CNKSR3: variants seen among roughly 807,000 people sequenced by gnomAD.
CNKSR3 encodes connector enhancer of kinase suppressor of ras 3.
A neutral mutation model predicts 67.7 loss-of-function variants in CNKSR3; 36 were observed. The ratio of observed to expected loss-of-function variants is 0.53; its 90% CI spans 0.41 to 0.70. CNKSR3 has a LOEUF of 0.70. Ranked by LOEUF, CNKSR3 falls within the 30% of genes least tolerant of loss-of-function variation. CNKSR3 has a pLI of 0.00. For synonymous variants in CNKSR3, 281 were observed against 271.4 expected, an observed-to-expected ratio of 1.04 and a Z score of -0.35; for missense variants, 630 against 695.2, an observed-to-expected ratio of 0.91 and a Z score of 1.05.
chr6:154,456,539 A>G (rs1785959923), intron 1 of CNKSR3, among the ~76,000 whole-genome samples: 1 of 149,162 alleles, frequency 6.7e-6, no homozygotes, highest in South Asian at 2.2e-4. Flanking sequence ...CTCTACTAAA[A>G]ATACAAAAAA....
chr6:154,456,707 CAAAAAAA>C (rs10536163), intron 1 of CNKSR3, among the ~76,000 whole-genome samples: 17 of 45,392 alleles, frequency 3.7e-4, no homozygotes, highest in East Asian at 8.8e-4. Flanking sequence ...AACTCTGTCT[CAAAAAAA>C]AAAAAAAAAA....
chr6:154,435,109 C>T (rs1156442565), intron 4 of CNKSR3, among the ~76,000 whole-genome samples: 3 of 151,872 alleles, frequency 2.0e-5, no homozygotes, highest in African/African-American at 7.3e-5. Context: ...GATCCTCCCG[C>T]CTCAGCCTCC....
intron 10 of CNKSR3, among the ~76,000 whole-genome samples, chr6:154,413,721 G>A (rs1351341291): frequency 2.0e-5 from 3 of 151,960 alleles, no homozygotes; most frequent in Admixed American, 6.6e-5. Context: ...GTTTTCATTC[G>A]TTTTTCAAAA....
intron 9 of CNKSR3, 115 bp downstream of exon 9, chr6:154,422,391 T>C (rs7771159): frequency 0.35 from 337,649 of 966,988 alleles, 62,680 homozygotes; most frequent in Non-Finnish European, 0.39. Context: ...ATAGGATAAT[T>C]ACATACAAAC....
chr6:154,415,709 G>A (rs68121193), intron 9 of CNKSR3, among the ~76,000 whole-genome samples: 10,377 of 152,132 alleles, frequency 0.068, 459 homozygotes, highest in African/African-American at 0.13. Context: ...ACCTTATACC[G>A]TTTATTTTAG....
chr6:154,477,145 C>T (rs949025277), intron 1 of CNKSR3, among the ~76,000 whole-genome samples: 9 of 152,174 alleles, frequency 5.9e-5, no homozygotes, highest in Admixed American at 2.0e-4. Context: ...AAAGAACCAA[C>T]TTTATTTCAA....
chr6:154,509,945 C>G, intron 1 of CNKSR3, 118 bp downstream of exon 1: 2 of 1,092,226 alleles, frequency 1.8e-6, no homozygotes, highest in South Asian at 1.3e-5. Context: ...GCATTGTCAC[C>G]GGGCTGTGCC....
intron 5 of CNKSR3, among the ~76,000 whole-genome samples, chr6:154,431,429 C>T (rs574795209): frequency 1.7e-4 from 20 of 118,674 alleles, no homozygotes; most frequent in African/African-American, 5.3e-4. Flanking sequence ...GGTAACAGAG[C>T]GAGACTCTGT....
intron 7 of CNKSR3, among the ~76,000 whole-genome samples, chr6:154,426,027 A>G (rs996533275): frequency 3.3e-5 from 5 of 152,220 alleles, no homozygotes; most frequent in African/African-American, 7.2e-5. Flanking sequence ...TGTCTAGAAG[A>G]CTTAGACTTA....
At chr6:154,476,787 A>G (rs1786461810) in intron 1 of CNKSR3, among the ~76,000 whole-genome samples, 1 of 152,224 alleles carries the variant, frequency 6.6e-6, no homozygotes, top group Non-Finnish European at 1.5e-5. Context: ...GGTTGAATGT[A>G]CTCTGTAAGC....
Position 154,389,773 on chromosome 6 carries a change from A to C in CNKSR3, c.*16581T>G, listed in dbSNP as rs1784587045. ...ATTAACACAGAACTATCTAAAAAGGAAATTAGCGAAACAATCCCATATATA... is the reference window on the plus strand; with the variant it reads ...ATTAACACAGAACTATCTAAAAAGGCAATTAGCGAAACAATCCCATATATA... On this transcript the variant is annotated 3_prime_UTR_variant, in exon 13 of 13. Coordinates refer to ENST00000607772, the MANE Select transcript of CNKSR3 (RefSeq NM_173515.4). 6.6e-6 allele frequency: 1 copy of C among 152,270 alleles called. No homozygotes were observed. The highest frequency in any genetic ancestry group is 2.4e-5 in the African/African-American group (1 of 41,476). 9.4% of individuals were successfully genotyped at this position (152,270 alleles called of 1,614,324 possible).
rs996719491 is a variant in CNKSR3, at chr6:154,401,384, G to A, written c.*4970C>T. 2.0e-5 allele frequency: 3 copies of A among 152,234 alleles called. No individual in the cohort carries two copies. The highest frequency in any genetic ancestry group is 7.2e-5 in the African/African-American group (3 of 41,434). The allele number at this position is 152,234 out of a possible 1,614,324, so 9.4% of individuals were successfully genotyped here. Reference sequence around the variant, plus strand: ...CTCTCTGCCATGTAAGGATGCAATGGGAAGATGATGGCTATCAGCAAACCA... The same window carrying A: ...CTCTCTGCCATGTAAGGATGCAATGAGAAGATGATGGCTATCAGCAAACCA... On this transcript the variant is annotated 3_prime_UTR_variant, in exon 13 of 13. Transcript: ENST00000607772.
At position 154,433,525 on chromosome 6, in the gene CNKSR3, GA is replaced by G; in HGVS notation, c.508-19del. The G allele has an allele frequency of 1.3e-6, 2 of 1,569,376 alleles. No individual in the cohort carries two copies. Among genetic ancestry groups the G allele is most frequent in the African/African-American group, 1.3e-5 (1 of 74,206 alleles). ...AAGCAATCCTAAAGAAGGGGATGGAGAAAATGAATACTAAGTACAAGAGTTA... is the reference window on the plus strand; with the variant it reads ...AAGCAATCCTAAAGAAGGGGATGGAGAAATGAATACTAAGTACAAGAGTTA... On this transcript the variant is annotated intron_variant, in intron 4 of 12. Coordinates refer to ENST00000607772, the MANE Select transcript of CNKSR3 (RefSeq NM_173515.4).
intron 9 of CNKSR3, among the ~76,000 whole-genome samples, chr6:154,421,376 C>T (rs1290413961): frequency 6.6e-6 from 1 of 152,176 alleles, no homozygotes; most frequent in Non-Finnish European, 1.5e-5. Context: ...TACCTTGTCT[C>T]ACAAAGTTTC....
chr6:154,469,483 C>A (rs1786276154), intron 1 of CNKSR3, among the ~76,000 whole-genome samples: 2 of 152,152 alleles, frequency 1.3e-5, no homozygotes, highest in African/African-American at 2.4e-5. Context: ...ATTTTGGCAC[C>A]AAAGGCTACG....
chr6:154,422,359 A>T, intron 9 of CNKSR3, 147 bp downstream of exon 9: 1 of 745,688 alleles, frequency 1.3e-6, no homozygotes, highest in Non-Finnish European at 2.3e-6. Context: ...TCTAGAATTC[A>T]TATTTTCACA....
chr6:154,467,074 T>C (rs1786218477), intron 1 of CNKSR3, among the ~76,000 whole-genome samples: 1 of 152,024 alleles, frequency 6.6e-6, no homozygotes, highest in Non-Finnish European at 1.5e-5. Context: ...TGGCCACTGT[T>C]TCCAGTTAGA....
intron 1 of CNKSR3, among the ~76,000 whole-genome samples, chr6:154,467,777 G>C (rs908318167): frequency 6.6e-6 from 1 of 151,340 alleles, no homozygotes; most frequent in African/African-American, 2.4e-5. Context: ...TGTCTGTTTT[G>C]AGATGGAGTC....
At chr6:154,431,022 A>C (rs908342409) in intron 5 of CNKSR3, among the ~76,000 whole-genome samples, 3 of 151,626 alleles carry the variant, frequency 2.0e-5, no homozygotes, top group African/African-American at 4.8e-5. Flanking sequence ...AAGCTGTTTC[A>C]CGTTTATAAA....
Sources: gnomAD v4.1 joint callset for allele counts (sites outside exome capture counted in the v4.1 genomes callset) on GRCh38, gnomAD v4.1.1 for gene constraint, MANE v1.5 for transcripts, NCBI Gene and HGNC (gene_info 2026-07-23, HGNC 2026-07-21) for gene names.